The following URB1 variants were observed in gnomAD, a reference collection of about 807,000 sequenced individuals.
URB1 encodes nucleolar pre-ribosomal-associated protein 1.
Under a neutral mutation model 242.3 loss-of-function variants are expected in URB1, and 197 were observed. That is an observed-to-expected ratio of 0.81 (90% CI 0.72 to 0.91). URB1 has a LOEUF of 0.91. Ranked by LOEUF, URB1 falls within the 40% of genes least tolerant of loss-of-function variation. The probability of loss-of-function intolerance (pLI) is 0.00; values close to 1 mark genes in which losing one functional copy is unlikely to be tolerated. For synonymous variants in URB1, 1,153 were observed against 1,201.8 expected (o/e 0.96, Z 0.84); for missense variants, 2,721 against 2,860.5 (o/e 0.95, Z 1.11).
At chr21:32,326,093 G>C (rs1470263688) in intron 30 of URB1, among the ~76,000 whole-genome samples, 1 of 152,126 alleles carries the variant, frequency 6.6e-6, no homozygotes, top group East Asian at 1.9e-4. Context: ...GACACATGAG[G>C]GGATGCGCCT....
intron 27 of URB1, 42 bp from the exon 28 acceptor site, chr21:32,337,199 G>A: frequency 6.5e-7 from 1 of 1,543,920 alleles, no homozygotes; most frequent in Non-Finnish European, 8.8e-7. Flanking sequence ...ATGAACCCCT[G>A]ACACCCTCCT....
intron 10 of URB1, among the ~76,000 whole-genome samples, chr21:32,363,724 C>T (rs1330962296): frequency 6.6e-6 from 1 of 152,038 alleles, no homozygotes; most frequent in African/African-American, 2.4e-5. Context: ...TGCAATGGTG[C>T]GATCATAGCT....
chr21:32,385,222 T>C (rs2033570751), intron 2 of URB1, among the ~76,000 whole-genome samples: 1 of 152,254 alleles, frequency 6.6e-6, no homozygotes, highest in Non-Finnish European at 1.5e-5. Context: ...TCATTATGTG[T>C]TGTGAGTCTG....
intron 4 of URB1, among the ~76,000 whole-genome samples, chr21:32,379,616 C>T (rs866557714): frequency 9.9e-5 from 15 of 152,090 alleles, no homozygotes; most frequent in Non-Finnish European, 1.5e-4. Flanking sequence ...GCTGCACATC[C>T]GTGATCTCAT....
rs139884347 is a variant in URB1 at position 32,317,564 on chromosome 21, G to A, written c.6034+112C>T. 8,449 of 1,441,660 alleles carry A rather than the reference G, an allele frequency of 5.9e-3. 33 individuals are homozygous for A. Among genetic ancestry groups the A allele is most frequent in the Middle Eastern group, 7.5e-3 (41 of 5,478 alleles). 89.3% of individuals were successfully genotyped at this position (1,441,660 alleles called of 1,614,324 possible). A position where few individuals can be genotyped will look rare whatever the true frequency, so the allele number is the denominator to read the frequency against. On this transcript the variant is annotated intron_variant, in intron 37 of 38. Transcript: ENST00000382751. ...TCCAAGATGGATGTGTCCCATCTCT[G>A]AGCCTCATTAGCTTTGGAAATGTGG... is the stretch of plus-strand genomic sequence containing the variant.
intron 12 of URB1, 134 bp downstream of exon 12, chr21:32,361,758 A>G: frequency 3.1e-6 from 4 of 1,275,734 alleles, no homozygotes; most frequent in Non-Finnish European, 4.2e-6. Context: ...AAGGATATAG[A>G]CACATTCACA....
In URB1 at chr21:32,349,452, T is replaced by G; in HGVS notation, c.2864A>C (p.Gln955Pro). 6.4e-7 allele frequency: 1 copy of G among 1,550,712 alleles called. No individual in the cohort carries two copies. Among genetic ancestry groups the G allele is most frequent in the Non-Finnish European group, 8.7e-7 (1 of 1,146,724 alleles). Residue 955 changes from glutamine (Q) to proline (P), a missense_variant, in exon 21 of 39, where the codon CAG becomes CCG. Gln to Pro is a moderately conservative substitution (Grantham distance 76). Transcript: ENST00000382751. ...LGRSVGPPLLQLFLDLLRRLV... is the reference protein window; with the variant it reads ...LGRSVGPPLLPLFLDLLRRLV... ...GCGCCTGAGGAGATCCAGGAAGAGC[T>G]GCAGGAGGGGCGGGCCCACACTTCT... is the stretch of plus-strand genomic sequence containing the variant.
intron 1 of URB1, among the ~76,000 whole-genome samples, chr21:32,386,541 A>G (rs2033585520): frequency 6.6e-6 from 1 of 152,184 alleles, no homozygotes; most frequent in Non-Finnish European, 1.5e-5. Context: ...TTATGAACAC[A>G]CTTAGAAACC....
chr21:32,314,597 ACTCGAG>A lies in URB1; in HGVS notation c.*315_*320del, dbSNP rs768698596. The A allele has an allele frequency of 1.1e-5, 17 of 1,614,084 alleles. No individual in the cohort carries two copies. In the Admixed American group the frequency reaches 2.8e-4, roughly 27 times the overall value. On this transcript the variant is annotated 3_prime_UTR_variant, in exon 39 of 39. Transcript: ENST00000382751. Reference sequence around the variant, plus strand: ...TCTGCATTCAGAAGTGCTGCCTCAAACTCGAGCTATTTCCTGTGATGAGCTCCAAGC... The same window carrying A: ...TCTGCATTCAGAAGTGCTGCCTCAAACTATTTCCTGTGATGAGCTCCAAGC...
intron 10 of URB1, among the ~76,000 whole-genome samples, chr21:32,364,958 G>A (rs2033329236): frequency 6.6e-6 from 1 of 152,268 alleles, no homozygotes; most frequent in South Asian, 2.1e-4. Context: ...CATGGCAATA[G>A]CCAACAGCGG....
At position 32,347,724 on chromosome 21, in the gene URB1, G is replaced by T; in HGVS notation, c.3100C>A (p.His1034Asn). Residue 1034 changes from histidine (H) to asparagine (N), a missense_variant, in exon 22 of 39, where the codon CAC becomes AAC. Transcript: ENST00000382751. ...LALEQQALPP[H>N]TLSPVLVKLL... ...TTCACGAGGACAGGGCTGAGCGTGTGCGGCGGGAGGGCCTGCTGCTCCAGG... is the reference window on the plus strand; with the variant it reads ...TTCACGAGGACAGGGCTGAGCGTGTTCGGCGGGAGGGCCTGCTGCTCCAGG... 6.4e-7 allele frequency: 1 copy of T among 1,550,556 alleles called. No homozygotes were observed. The highest frequency in any genetic ancestry group is 8.7e-7 in the Non-Finnish European group (1 of 1,146,994).
rs1402486334 is a variant in URB1, at chr21:32,312,960, G to GAAA, written c.*1955_*1957dup. On this transcript the variant is annotated 3_prime_UTR_variant, in exon 39 of 39. Coordinates refer to ENST00000382751, the MANE Select transcript of URB1 (RefSeq NM_014825.3). ...TCCCTTCCTCCACACTAAGTGACTG[G>GAAA]AAAATACACGAACAAGGTCAGGGCA... is the stretch of plus-strand genomic sequence containing the variant. 1.3e-5 allele frequency: 2 copies of GAAA among 152,194 alleles called. No individual in the cohort carries two copies. The allele number at this position is 152,194 out of a possible 1,614,324, so 9.4% of individuals were successfully genotyped here.
intron 8 of URB1, among the ~76,000 whole-genome samples, chr21:32,369,419 T>C (rs1218872693): frequency 6.6e-6 from 1 of 152,148 alleles, no homozygotes; most frequent in African/African-American, 2.4e-5. Flanking sequence ...AAAATGCAGA[T>C]AAGACATTTT....
At chr21:32,346,811 T>TC in intron 22 of URB1, 145 bp downstream of exon 22, 1 of 1,215,766 alleles carries the variant, frequency 8.2e-7, no homozygotes, top group East Asian at 2.6e-5. Context: ...TCCACCTTTC[T>TC]CCATCTTCAG....
rs1369684572 is a variant in URB1, at chr21:32,347,478, C to A, written c.3346G>T (p.Glu1116Ter). 4.5e-6 allele frequency: 7 copies of A among 1,551,054 alleles called. No individual in the cohort carries two copies. Among genetic ancestry groups the A allele is most frequent in the Non-Finnish European group, 6.1e-6 (7 of 1,146,774 alleles). The change falls in exon 22 of 39, where the codon GAG (glutamate) becomes TAG (stop). Residue 1116 changes from glutamate (E) to a stop codon, truncating the protein, a stop_gained. Coordinates refer to ENST00000382751, the MANE Select transcript of URB1 (RefSeq NM_014825.3). LOFTEE classifies it high-confidence loss of function. ...EALQELHPYM[E>*]GAQLREVTLA... ...GTGACCTCACGGAGCTGGGCACCCT[C>A]CATGTATGGATGCAGCTCCTGCAGG...
At chr21:32,371,272 C>T (rs2033403357) in intron 8 of URB1, among the ~76,000 whole-genome samples, 1 of 152,158 alleles carries the variant, frequency 6.6e-6, no homozygotes, top group South Asian at 2.1e-4. Context: ...TTGTCTTTTG[C>T]CCATGGCTTC....
chr21:32,344,469 A>C, intron 24 of URB1, 101 bp downstream of exon 24: 1 of 1,344,504 alleles, frequency 7.4e-7, no homozygotes, highest in Non-Finnish European at 1.0e-6. Context: ...CTACAGGGCC[A>C]TATTCATGCC....
At chr21:32,371,878 T>C (rs1283997595) in intron 8 of URB1, among the ~76,000 whole-genome samples, 1 of 152,098 alleles carries the variant, frequency 6.6e-6, no homozygotes, top group Non-Finnish European at 1.5e-5. Context: ...TCTTAAAGAA[T>C]ATGATCAAAA....
intron 8 of URB1, among the ~76,000 whole-genome samples, chr21:32,368,991 T>A (rs1488373157): frequency 1.3e-5 from 2 of 152,194 alleles, no homozygotes; most frequent in African/African-American, 2.4e-5. Context: ...GAGGAATCCA[T>A]GCCCCAAATT....
Sources: allele counts gnomAD v4.1 joint callset (sites outside exome capture counted in the v4.1 genomes callset), GRCh38; gene constraint gnomAD v4.1.1; transcripts MANE v1.5; gene names NCBI Gene and HGNC (gene_info 2026-07-23, HGNC 2026-07-21).